Variants in TTL observed in about 807,000 individuals in gnomAD.
The protein encoded by TTL is tubulin--tyrosine ligase.
TTL carries 10 observed loss-of-function variants against 41.1 expected under a neutral mutation model. The ratio of observed to expected loss-of-function variants is 0.24; its 90% confidence interval spans 0.15 to 0.41. The LOEUF is 0.41. TTL is among the 10% of genes least tolerant of loss of function. The pLI, the probability that TTL is intolerant of heterozygous loss-of-function variation, is 1.00. For missense variants in TTL, 367 were observed against 460.4 expected (o/e 0.80, Z 1.86); for synonymous variants, 175 against 175.5 (o/e 1.00, Z 0.02).
In TTL at chr2:112,541,679, T is replaced by C. The variant is rs992192973; in HGVS notation, c.*12884T>C. 1.0e-5 allele frequency: 2 copies of C among 194,494 alleles called. No individual in the cohort carries two copies. The highest frequency in any genetic ancestry group is 1.4e-4 in the East Asian group (1 of 7,152). 12.0% of individuals were successfully genotyped at this position (194,494 alleles called of 1,614,324 possible). ...CGTACACTTTAAATGTGTGGTTTAT[T>C]GTATGCCAGTTATAACGCAATATAG... On this transcript the variant is annotated 3_prime_UTR_variant, in exon 7 of 7. Coordinates refer to ENST00000233336, the MANE Select transcript of TTL (RefSeq NM_153712.5).
At chr2:112,490,214 G>A (rs1269277954) in intron 2 of TTL, among the ~76,000 whole-genome samples, 1 of 152,080 alleles carries the variant, frequency 6.6e-6, no homozygotes, top group African/African-American at 2.4e-5. Flanking sequence ...TCAGGAGTTC[G>A]AGACCAGCCT....
Position 112,485,879 on chromosome 2 carries a change from G to T in TTL, c.158-38G>T. On this transcript the variant is annotated intron_variant, in intron 1 of 6. Coordinates refer to ENST00000233336, the MANE Select transcript of TTL (RefSeq NM_153712.5). Reference sequence around the variant, plus strand: ...AGCTGTCCTCTCTCCTGCTTGCTGTGTCCTGTGTCCCTTCTGAGCCTCCTC... The same window carrying T: ...AGCTGTCCTCTCTCCTGCTTGCTGTTTCCTGTGTCCCTTCTGAGCCTCCTC... 2 of 1,580,054 alleles carry T rather than the reference G, an allele frequency of 1.3e-6. 1 individual carries two copies. Among genetic ancestry groups the T allele is most frequent in the Admixed American group, 3.4e-5 (2 of 59,468 alleles).
intron 3 of TTL, among the ~76,000 whole-genome samples, chr2:112,494,968 A>T (rs541792678): frequency 6.6e-6 from 1 of 152,186 alleles, no homozygotes; most frequent in Non-Finnish European, 1.5e-5. Flanking sequence ...TAATCATGTT[A>T]CTTCCTACTT....
chr2:112,524,135 T>C lies in TTL; in HGVS notation c.1019+3710T>C, dbSNP rs986306833. The stretch of plus-strand genomic sequence containing the variant: ...CAAAGGACATGAACTCGTCCTTTCT[T>C]ATGGCTGCATAGTATTCCATGGTAT... On this transcript the variant is annotated intron_variant, in intron 6 of 6. Coordinates refer to ENST00000233336, the MANE Select transcript of TTL (RefSeq NM_153712.5). Among the ~76,000 whole-genome samples the C allele has an allele frequency of 4.6e-5, 7 of 152,334 alleles. No homozygotes were observed. In the East Asian group the frequency reaches 1.3e-3, roughly 29 times the overall value.
At chr2:112,484,999 G>A (rs2104444536) in intron 1 of TTL, among the ~76,000 whole-genome samples, 1 of 152,260 alleles carries the variant, frequency 6.6e-6, no homozygotes, top group East Asian at 1.9e-4. Context: ...GCCCAGGCTG[G>A]AGTGCAGTGG....
In TTL at chr2:112,539,111, T is replaced by TAAAAAA. The variant is rs59249426; in HGVS notation, c.*10335_*10340dup. 3 of 75,748 alleles carry TAAAAAA rather than the reference T, an allele frequency of 4.0e-5. No homozygotes were observed. The highest frequency in any genetic ancestry group is 1.5e-4 in the Admixed American group (1 of 6,464). 4.7% of individuals were successfully genotyped at this position (75,748 alleles called of 1,614,324 possible). On this transcript the variant is annotated 3_prime_UTR_variant, in exon 7 of 7. Coordinates refer to ENST00000233336, the MANE Select transcript of TTL (RefSeq NM_153712.5). Reference sequence around the variant, plus strand: ...CAGCCTGGGTGACAGAGACTCTGTCTAAAAAAAAAAAAAAAAAAAAAAAAG... The same window carrying TAAAAAA: ...CAGCCTGGGTGACAGAGACTCTGTCTAAAAAAAAAAAAAAAAAAAAAAAAAAAAAAG...
In TTL at chr2:112,531,404, A is replaced by G. The variant is rs1193489467; in HGVS notation, c.*2609A>G. On this transcript the variant is annotated 3_prime_UTR_variant, in exon 7 of 7. Coordinates refer to ENST00000233336, the MANE Select transcript of TTL (RefSeq NM_153712.5). ...GTGCCTTAGTTTCTTAGCCCATGAAAGAGATCATTGCCTGACCCAGGGACT... is the reference window on the plus strand; with the variant it reads ...GTGCCTTAGTTTCTTAGCCCATGAAGGAGATCATTGCCTGACCCAGGGACT... 1 of 228,892 alleles carries G rather than the reference A, an allele frequency of 4.4e-6. No individual in the cohort carries two copies. The highest frequency in any genetic ancestry group is 2.2e-5 in the African/African-American group (1 of 45,104). 14.2% of individuals were successfully genotyped at this position (228,892 alleles called of 1,614,324 possible).
At chr2:112,523,523 G>C (rs535388424) in intron 6 of TTL, among the ~76,000 whole-genome samples, 1 of 149,470 alleles carries the variant, frequency 6.7e-6, no homozygotes, top group South Asian at 2.1e-4. Context: ...TGTCACTGGG[G>C]AGTCTTCCCG....
At chr2:112,517,934 A>G (rs1193225840) in intron 5 of TTL, among the ~76,000 whole-genome samples, 1 of 149,740 alleles carries the variant, frequency 6.7e-6, no homozygotes, top group Non-Finnish European at 1.5e-5. Flanking sequence ...TGGGCGACAG[A>G]GTGAGACCCT....
At chr2:112,503,739 A>T in intron 5 of TTL, among the ~76,000 whole-genome samples, 1 of 125,564 alleles carries the variant, frequency 8.0e-6, no homozygotes, top group African/African-American at 3.0e-5. Context: ...TCCATTCTTT[A>T]GGCATTCAAC....
In TTL at chr2:112,503,070, A is replaced by G. The variant is rs1302102103; in HGVS notation, c.764A>G (p.Lys255Arg). 4 of 1,614,032 alleles carry G rather than the reference A, an allele frequency of 2.5e-6. No individual in the cohort carries two copies. In the South Asian group the frequency reaches 4.4e-5, roughly 18 times the overall value. ...AAAGAGTATTCAAAGAACTACGGGA[A>G]GTATGAAGAAGGAAATGAAATGTTC... is the stretch of plus-strand genomic sequence containing the variant. ...IQKEYSKNYGKYEEGNEMFFK... is the reference protein window; with the variant it reads ...IQKEYSKNYGRYEEGNEMFFK... The change falls in exon 5 of 7, where the codon AAG becomes AGG. Residue 255 changes from lysine (K) to arginine (R), a missense_variant. Lys to Arg is a conservative substitution (Grantham distance 26). Transcript: ENST00000233336.
Position 112,539,540 on chromosome 2 carries a change from T to G in TTL, c.*10745T>G, listed in dbSNP as rs899283404. ...TTCCTCAACATGATAAAGAGCATCT[T>G]TGGAAAAACCCACAGCCTACATCAT... On this transcript the variant is annotated 3_prime_UTR_variant, in exon 7 of 7. Coordinates refer to ENST00000233336, the MANE Select transcript of TTL (RefSeq NM_153712.5). The G allele has an allele frequency of 6.6e-6, 1 of 152,132 alleles. No individual in the cohort carries two copies. The highest frequency in any genetic ancestry group is 2.1e-4 in the South Asian group (1 of 4,826). The allele number at this position is 152,132 out of a possible 1,614,324, so 9.4% of individuals were successfully genotyped here. A position where few individuals can be genotyped will look rare whatever the true frequency, so the allele number is the denominator to read the frequency against.
chr2:112,496,641 TTTTTA>T (rs1420194391), intron 3 of TTL, among the ~76,000 whole-genome samples: 1 of 151,206 alleles, frequency 6.6e-6, no homozygotes, highest in African/African-American at 2.4e-5. Flanking sequence ...TAATTTTAAT[TTTTTA>T]TTTTATATAT....
chr2:112,489,201 C>A (rs1681318489), intron 2 of TTL, among the ~76,000 whole-genome samples: 1 of 152,106 alleles, frequency 6.6e-6, no homozygotes, highest in Non-Finnish European at 1.5e-5. Flanking sequence ...ATTTTACGTT[C>A]TTTTATTCAC....
chr2:112,509,783 C>T (rs755927884), intron 5 of TTL, among the ~76,000 whole-genome samples: 3 of 152,210 alleles, frequency 2.0e-5, no homozygotes, highest in Admixed American at 6.5e-5. Context: ...CCGTCTTCTG[C>T]GTCGCTCACG....
chr2:112,502,796 G>A, intron 4 of TTL, 116 bp from the exon 5 acceptor site: 4 of 1,103,600 alleles, frequency 3.6e-6, no homozygotes, highest in Non-Finnish European at 5.1e-6. Context: ...TCCTTCCCTA[G>A]TTGCCTCCCA....
Position 112,494,213 on chromosome 2 carries a change from A to T in TTL, c.307A>T (p.Thr103Ser), listed in dbSNP as rs769775431. 2.5e-6 allele frequency: 4 copies of T among 1,614,070 alleles called. No individual in the cohort carries two copies. The African/African-American group carries it at 5.3e-5, about 22-fold the overall frequency. The change falls in exon 3 of 7, where the codon ACC (threonine) becomes TCC (serine). Residue 103 changes from threonine (T) to serine (S), a missense_variant. By Grantham distance (58) the Thr-to-Ser change is moderately conservative. Coordinates refer to ENST00000233336, the MANE Select transcript of TTL (RefSeq NM_153712.5). ...CCCTGAATCTTATGTGATTTATCCA[A>T]CCAATCTCAAGACTCCAGTTGCTCC... is the stretch of plus-strand genomic sequence containing the variant. ...WFPESYVIYP[T>S]NLKTPVAPAQ...
chr2:112,486,166 A>G (rs1681234063), intron 2 of TTL, among the ~76,000 whole-genome samples, 171 bp downstream of exon 2: 1 of 152,234 alleles, frequency 6.6e-6, no homozygotes, highest in African/African-American at 2.4e-5. Flanking sequence ...TGCTTGATAA[A>G]GCCTGTCTGC....
At position 112,528,712 on chromosome 2, in the gene TTL, G is replaced by A. The variant is rs371537879; in HGVS notation, c.1051G>A (p.Val351Met). The A allele has an allele frequency of 2.7e-5, 43 of 1,613,962 alleles. 2 individuals carry two copies. Among genetic ancestry groups the A allele is most frequent in the African/African-American group, 8.0e-5 (6 of 74,884 alleles). The change falls in exon 7 of 7, where the codon GTG becomes ATG. Residue 351 changes from valine (V) to methionine (M), a missense_variant. Transcript: ENST00000233336. ...KLYAELCQGI[V>M]DIAISSVFPP... ...CTATGCAGAACTGTGCCAAGGCATCGTGGACATAGCCATTTCCAGTGTCTT... is the reference window on the plus strand; with the variant it reads ...CTATGCAGAACTGTGCCAAGGCATCATGGACATAGCCATTTCCAGTGTCTT...
Sources: allele counts gnomAD v4.1 joint callset (sites outside exome capture counted in the v4.1 genomes callset), GRCh38; gene constraint gnomAD v4.1.1; transcripts MANE v1.5; gene names NCBI Gene and HGNC (gene_info 2026-07-23, HGNC 2026-07-21).